KIAA0319L: variants seen among roughly 807,000 people sequenced by gnomAD.
The protein encoded by KIAA0319L is dyslexia-associated protein KIAA0319-like protein.
KIAA0319L carries 55 observed loss-of-function variants against 120.1 expected under a neutral mutation model. The observed-to-expected ratio is 0.46, with a 90% CI of 0.37 to 0.57. The LOEUF is 0.57. Among genes scored for constraint, KIAA0319L ranks in the 20% least tolerant of loss-of-function variants. The pLI, the probability that KIAA0319L is intolerant of heterozygous loss-of-function variation, is 0.00. For synonymous variants in KIAA0319L, 398 were observed against 471.9 expected (o/e 0.84, Z 2.03); for missense variants, 1,049 against 1,255.3 (o/e 0.84, Z 2.48).
At position 35,468,572 on chromosome 1, in the gene KIAA0319L, T is replaced by C. The variant is rs113281499; in HGVS notation, c.1114-1877A>G. ...AAAAATGAATTAATCATCTGCAAAC[T>C]TCTCCTTAAAACTTGCTTCTCCTTC... On this transcript the variant is annotated intron_variant, in intron 6 of 20. Coordinates refer to ENST00000325722, the MANE Select transcript of KIAA0319L (RefSeq NM_024874.5). Among the ~76,000 whole-genome samples the C allele has an allele frequency of 1.0e-3, 152 of 152,302 alleles. 1 individual carries two copies. The highest frequency in any genetic ancestry group is 3.5e-3 in the African/African-American group (145 of 41,574).
chr1:35,517,995 A>G (rs1291335817), intron 2 of KIAA0319L, among the ~76,000 whole-genome samples: 3 of 152,240 alleles, frequency 2.0e-5, no homozygotes, highest in African/African-American at 4.8e-5. Context: ...CATTAGAGAA[A>G]TGCAAATCAA....
intron 3 of KIAA0319L, among the ~76,000 whole-genome samples, chr1:35,482,993 G>T (rs1644236584): frequency 6.6e-6 from 1 of 152,176 alleles, no homozygotes; most frequent in Non-Finnish European, 1.5e-5. Context: ...TTTTCCTAGT[G>T]ATTAGCGACA....
chr1:35,465,295 T>C (rs1394605483), intron 7 of KIAA0319L, among the ~76,000 whole-genome samples: 1 of 152,166 alleles, frequency 6.6e-6, no homozygotes, highest in Admixed American at 6.5e-5. Context: ...CCCAAGACCA[T>C]AGCAACACAC....
At chr1:35,459,106 T>A (rs1011255523) in intron 9 of KIAA0319L, among the ~76,000 whole-genome samples, 2 of 152,132 alleles carry the variant, frequency 1.3e-5, no homozygotes, top group Non-Finnish European at 2.9e-5. Context: ...AAATGCCACA[T>A]AGAGGCCCTG....
intron 2 of KIAA0319L, among the ~76,000 whole-genome samples, chr1:35,543,908 T>C (rs899432711): frequency 9.2e-5 from 14 of 152,216 alleles, no homozygotes; most frequent in Admixed American, 7.2e-4. Flanking sequence ...ATTATCTTTA[T>C]AGTAAGTGAT....
chr1:35,528,573 G>A (rs1017333890), intron 2 of KIAA0319L, among the ~76,000 whole-genome samples: 3 of 152,146 alleles, frequency 2.0e-5, no homozygotes, highest in African/African-American at 7.2e-5. Context: ...ATGTGTTGAT[G>A]GGAATGTGTA....
rs771938626 is a variant in KIAA0319L at position 35,456,022 on chromosome 1, C to T, written c.1647G>A (p.Val549=). 1.5e-5 allele frequency: 24 copies of T among 1,611,878 alleles called. No individual in the cohort carries two copies. Among genetic ancestry groups the T allele is most frequent in the East Asian group, 2.2e-5 (1 of 44,854 alleles). ...SLSPSSKGKV[V]EMQGVRTPTL... is the part of the protein sequence containing the mutation. Reference sequence around the variant, plus strand: ...AACCATTCCCTCCTACCTGCATCTCCACCACTTTCCCTTTGCTGCTTGGGC... The same window carrying T: ...AACCATTCCCTCCTACCTGCATCTCTACCACTTTCCCTTTGCTGCTTGGGC... The change falls in exon 10 of 21, where the codon GTG becomes GTA. Residue 549 remains valine, a synonymous_variant. Transcript: ENST00000325722.
intron 3 of KIAA0319L, among the ~76,000 whole-genome samples, chr1:35,503,190 A>G (rs2148391836): frequency 6.6e-6 from 1 of 152,324 alleles, no homozygotes; most frequent in Non-Finnish European, 1.5e-5. Flanking sequence ...ATCACACTTA[A>G]GAAAAAACAA....
chr1:35,438,749 T>G (rs1321113572), intron 20 of KIAA0319L: 1 of 152,010 alleles, frequency 6.6e-6, no homozygotes, highest in Non-Finnish European at 1.5e-5. Context: ...CCCAGCACTT[T>G]AGGAGACCAA....
chr1:35,547,007 TAC>T (rs1395792442), intron 2 of KIAA0319L, among the ~76,000 whole-genome samples: 1 of 147,434 alleles, frequency 6.8e-6, no homozygotes, highest in Non-Finnish European at 1.5e-5. Context: ...TAAATTTATA[TAC>T]ATATATAAAT....
chr1:35,518,485 T>C (rs937080748), intron 2 of KIAA0319L, among the ~76,000 whole-genome samples: 2 of 152,042 alleles, frequency 1.3e-5, no homozygotes, highest in Non-Finnish European at 2.9e-5. Context: ...TTCTCACTTA[T>C]AAATGGGAGC....
In KIAA0319L at chr1:35,437,596, C is replaced by T. The variant is rs752852487; in HGVS notation, c.2963-2515G>A. ...TCACTCCCCACTCTACTGCAGCTCT[C>T]TGATGGGCCAGGAGCTTCTCTGGTG... On this transcript the variant is annotated intron_variant, in intron 20 of 20. Coordinates refer to ENST00000325722, the MANE Select transcript of KIAA0319L (RefSeq NM_024874.5). This position sits in a 1 kb window ranked among gnomAD's most constrained non-coding sequence, Gnocchi z 4.1. 6.6e-6 allele frequency among the ~76,000 whole-genome samples: 1 copy of T among 152,234 alleles called. No individual in the cohort carries two copies. The highest frequency in any genetic ancestry group is 2.4e-5 in the African/African-American group (1 of 41,456).
intron 15 of KIAA0319L, among the ~76,000 whole-genome samples, chr1:35,449,634 AGTTT>A (rs1013406985): frequency 6.6e-6 from 1 of 152,040 alleles, no homozygotes; most frequent in Non-Finnish European, 1.5e-5. Flanking sequence ...GCCCTCTCTG[AGTTT>A]GTTTCTCCAT....
intron 3 of KIAA0319L, among the ~76,000 whole-genome samples, chr1:35,501,803 G>A (rs1400904201): frequency 1.3e-5 from 2 of 151,628 alleles, no homozygotes; most frequent in Non-Finnish European, 2.9e-5. Context: ...GCTTGAACCC[G>A]GGAGGTGGAG....
intron 5 of KIAA0319L, among the ~76,000 whole-genome samples, chr1:35,472,481 A>G (rs1558390146): frequency 6.6e-6 from 1 of 152,118 alleles, no homozygotes; most frequent in Non-Finnish European, 1.5e-5. Flanking sequence ...TAGTATAAAC[A>G]GAGTTTCACC....
chr1:35,536,964 T>C (rs953305552), intron 2 of KIAA0319L, among the ~76,000 whole-genome samples: 1 of 152,066 alleles, frequency 6.6e-6, no homozygotes, highest in Non-Finnish European at 1.5e-5. Context: ...CCCACCACCT[T>C]ATGACTAAAA....
chr1:35,449,845 C>A (rs766608995), intron 15 of KIAA0319L, 22 bp downstream of exon 15: 2 of 1,613,252 alleles, frequency 1.2e-6, no homozygotes, highest in East Asian at 4.5e-5. Context: ...TTCTACTCAG[C>A]CTCATCACTA....
intron 12 of KIAA0319L, among the ~76,000 whole-genome samples, chr1:35,452,038 C>T (rs1002047121): frequency 2.6e-5 from 4 of 152,220 alleles, no homozygotes; most frequent in Non-Finnish European, 5.9e-5. Flanking sequence ...AACACTTGAA[C>T]GCTTTACCAT....
chr1:35,441,700 CAG>C (rs1641234140), intron 19 of KIAA0319L, among the ~76,000 whole-genome samples: 1 of 151,830 alleles, frequency 6.6e-6, no homozygotes, highest in Admixed American at 6.6e-5. Context: ...ACAGTATACA[CAG>C]AAATAATATT....
Sources: allele counts gnomAD v4.1 joint callset (sites outside exome capture counted in the v4.1 genomes callset), GRCh38; gene constraint gnomAD v4.1.1; non-coding constraint Gnocchi (gnomAD v3.1); transcripts MANE v1.5; gene names NCBI Gene and HGNC (gene_info 2026-07-23, HGNC 2026-07-21).